Variants in MED13 observed in about 807,000 individuals in gnomAD.
MED13 encodes the protein mediator of RNA polymerase II transcription subunit 13.
In MED13, 23 loss-of-function variants were observed where a neutral mutation model predicts 225.2. The observed-to-expected ratio is 0.10, with a 90% CI of 0.07 to 0.14. MED13 has a LOEUF of 0.14. MED13 is among the 10% of genes least tolerant of loss of function. The pLI, the probability that MED13 is intolerant of heterozygous loss-of-function variation, is 1.00. For synonymous variants in MED13, 942 were observed against 889.2 expected, an observed-to-expected ratio of 1.06 and a Z score of -1.06; for missense variants, 2,197 against 2,594.5, an observed-to-expected ratio of 0.85 and a Z score of 3.33.
chr17:62,042,311 C>A (rs2080859116), intron 3 of MED13, among the ~76,000 whole-genome samples: 1 of 152,094 alleles, frequency 6.6e-6, no homozygotes, highest in Non-Finnish European at 1.5e-5. Flanking sequence ...TGCCTGTAAT[C>A]CCAACACTTT....
At chr17:62,007,853 A>G (rs984926689) in intron 9 of MED13, among the ~76,000 whole-genome samples, 13 of 151,802 alleles carry the variant, frequency 8.6e-5, no homozygotes, top group Admixed American at 3.3e-4. Flanking sequence ...GTCTCAAAAA[A>G]TAAAAAACAT....
chr17:62,012,068 T>G (rs901367574), intron 8 of MED13, among the ~76,000 whole-genome samples: 2 of 151,478 alleles, frequency 1.3e-5, no homozygotes, highest in African/African-American at 4.8e-5. Flanking sequence ...AATAAAAAAT[T>G]AGCCAGGTGT....
chr17:62,034,617 G>A (rs1012744330), intron 4 of MED13, among the ~76,000 whole-genome samples: 1 of 151,820 alleles, frequency 6.6e-6, no homozygotes, highest in Non-Finnish European at 1.5e-5. Context: ...AGCAATCTGA[G>A]GAAAAACAAT....
rs527725681 is a variant in MED13, at chr17:62,014,719, A to G, written c.1284-3486T>C. Among the ~76,000 whole-genome samples, 4 of 152,308 alleles carry G rather than the reference A, an allele frequency of 2.6e-5. No homozygotes were observed. The South Asian group carries it at 6.2e-4, about 24-fold the overall frequency. On this transcript the variant is annotated intron_variant, in intron 8 of 29. Transcript: ENST00000397786. ...GTCTCTTAAAAGGCTGGAATGCAGT[A>G]CAATCATAGCACACTGTAACCTCAA...
intron 16 of MED13, among the ~76,000 whole-genome samples, chr17:61,976,219 A>G (rs1567954058): frequency 6.6e-6 from 1 of 152,256 alleles, no homozygotes; most frequent in African/African-American, 2.4e-5. Flanking sequence ...ACAATGGAAT[A>G]TTATTTGGCA....
intron 17 of MED13, among the ~76,000 whole-genome samples, chr17:61,969,763 G>A (rs936187629): frequency 1.5e-4 from 23 of 151,702 alleles, no homozygotes; most frequent in African/African-American, 5.6e-4. Flanking sequence ...CACCATACCG[G>A]GATAATTTTT....
rs186579608 is a variant in MED13 at position 61,981,082 on chromosome 17, G to C, written c.3805+1116C>G. 2.0e-3 allele frequency among the ~76,000 whole-genome samples: 301 copies of C among 151,752 alleles called. 3 individuals are homozygous for C. Among genetic ancestry groups the C allele is most frequent in the Non-Finnish European group, 3.3e-3 (223 of 67,974 alleles). ...CTGTTGCCCAGGCTGGAGTGCAGTA[G>C]TGCGATCTTGGCTCACTGCAACTTC... On this transcript the variant is annotated intron_variant, in intron 16 of 29. Coordinates refer to ENST00000397786, the MANE Select transcript of MED13 (RefSeq NM_005121.3).
At position 61,963,330 on chromosome 17, in the gene MED13, T is replaced by C. The variant is rs1039555844; in HGVS notation, c.4845-359A>G. Among the ~76,000 whole-genome samples, 7 of 151,820 alleles carry C rather than the reference T, an allele frequency of 4.6e-5. No homozygotes were observed. In the South Asian group the frequency reaches 1.5e-3, roughly 32 times the overall value. ...GATAAAACTGAGACAAAGATAGGTC[T>C]CTTTGTCTGAGGCTATCTCAAATAG... On this transcript the variant is annotated intron_variant, in intron 20 of 29. Transcript: ENST00000397786.
chr17:61,947,019 TAAG>T lies in MED13; in HGVS notation c.6292-5_6292-3del, dbSNP rs2079856286. ...AGGCACGTGGAGGTGCAAAGAGGCCTAAGAAGGTAACAGGTAATCAATCAGTCA... is the reference window on the plus strand; with the variant it reads ...AGGCACGTGGAGGTGCAAAGAGGCCTAAGGTAACAGGTAATCAATCAGTCA... On this transcript the variant is annotated splice_region_variant and splice_polypyrimidine_tract_variant and intron_variant, in intron 28 of 29. Coordinates refer to ENST00000397786, the MANE Select transcript of MED13 (RefSeq NM_005121.3). The T allele has an allele frequency of 6.2e-7, 1 of 1,611,260 alleles. No homozygotes were observed. Among genetic ancestry groups the T allele is most frequent in the Non-Finnish European group, 8.5e-7 (1 of 1,177,688 alleles).
At chr17:62,033,603 G>A (rs982350291) in intron 5 of MED13, among the ~76,000 whole-genome samples, 184 bp downstream of exon 5, 1 of 152,208 alleles carries the variant, frequency 6.6e-6, no homozygotes, top group African/African-American at 2.4e-5. Context: ...GTTACAGAAT[G>A]AGCAGATACA....
intron 6 of MED13, 154 bp downstream of exon 6, chr17:62,031,290 T>C (rs563163689): frequency 5.8e-5 from 37 of 637,262 alleles, no homozygotes; most frequent in South Asian, 1.0e-4. Flanking sequence ...GAGTAAATAA[T>C]AACAGTTTGG....
chr17:61,946,703 A>C, intron 29 of MED13, 103 bp from the exon 30 acceptor site: 3 of 1,365,700 alleles, frequency 2.2e-6, no homozygotes, highest in Non-Finnish European at 3.0e-6. Context: ...ACCTTAAAAA[A>C]GAGTGTAACA....
chr17:61,997,611 A>C (rs1262338659), intron 9 of MED13, among the ~76,000 whole-genome samples: 7 of 152,162 alleles, frequency 4.6e-5, no homozygotes, highest in African/African-American at 1.7e-4. Flanking sequence ...CCTGACTTTG[A>C]TGTGGAAATT....
chr17:61,953,930 T>C (rs907733959), intron 26 of MED13, among the ~76,000 whole-genome samples: 138 of 152,336 alleles, frequency 9.1e-4, no homozygotes, highest in African/African-American at 3.1e-3. Context: ...TGGTTTTTCC[T>C]TTACGTACAC....
intron 2 of MED13, among the ~76,000 whole-genome samples, chr17:62,056,876 AGT>A (rs1458266975): frequency 1.3e-5 from 2 of 152,208 alleles, no homozygotes; most frequent in Non-Finnish European, 2.9e-5. Context: ...CTTAATCATC[AGT>A]GTTTCTTGAA....
At chr17:61,975,276 T>C (rs2080144282) in intron 16 of MED13, among the ~76,000 whole-genome samples, 1 of 152,142 alleles carries the variant, frequency 6.6e-6, no homozygotes, top group African/African-American at 2.4e-5. Context: ...AAAAACCTAA[T>C]TTTAAAAACG....
intron 4 of MED13, among the ~76,000 whole-genome samples, 167 bp from the exon 5 acceptor site, chr17:62,034,151 T>C (rs769024065): frequency 6.6e-6 from 1 of 152,202 alleles, no homozygotes; most frequent in Non-Finnish European, 1.5e-5. Context: ...ACTGTGAAGA[T>C]AAAGTATGAC....
chr17:62,013,729 T>C lies in MED13; in HGVS notation c.1284-2496A>G, dbSNP rs1488123572. ...GAAGAAGATAAATTGTCTTTATTCA[T>C]TGTCAACATTATTACAAACTATACA... On this transcript the variant is annotated intron_variant, in intron 8 of 29. Transcript: ENST00000397786. 3.3e-5 allele frequency among the ~76,000 whole-genome samples: 5 copies of C among 152,178 alleles called. No individual in the cohort carries two copies. The East Asian group carries it at 9.6e-4, about 29-fold the overall frequency.
chr17:62,002,300 G>C (rs1031663764), intron 9 of MED13, among the ~76,000 whole-genome samples: 3 of 152,016 alleles, frequency 2.0e-5, no homozygotes, highest in African/African-American at 7.2e-5. Context: ...GACCAGCCTG[G>C]CCAACATGGC....
Sources: allele counts gnomAD v4.1 joint callset (sites outside exome capture counted in the v4.1 genomes callset), GRCh38; gene constraint gnomAD v4.1.1; transcripts MANE v1.5; gene names NCBI Gene and HGNC (gene_info 2026-07-23, HGNC 2026-07-21).